The following RAP1A variants were observed in gnomAD, a reference collection of about 807,000 sequenced individuals.
The protein encoded by RAP1A is RAP1A, member of RAS oncogene family, also known as ras-related protein Rap-1A.
In RAP1A, 6 loss-of-function variants were observed where a neutral mutation model predicts 26.4. The observed-to-expected ratio is 0.23, with a 90% confidence interval of 0.12 to 0.45. RAP1A has a LOEUF of 0.45. Ranked by LOEUF, RAP1A falls within the 20% of genes least tolerant of loss-of-function variation. RAP1A has a pLI of 0.99. For missense variants in RAP1A, 121 were observed against 217.2 expected, an observed-to-expected ratio of 0.56 and a Z score of 2.78; for synonymous variants, 73 against 79.4, an observed-to-expected ratio of 0.92 and a Z score of 0.43.
At chr1:111,599,275 G>A (rs910593284) in intron 1 of RAP1A, among the ~76,000 whole-genome samples, 6 of 151,880 alleles carry the variant, frequency 4.0e-5, no homozygotes, top group African/African-American at 7.3e-5. Flanking sequence ...GTGTAATCTC[G>A]GCTCACTGTA....
At chr1:111,608,911 T>G (rs920634306) in intron 1 of RAP1A, among the ~76,000 whole-genome samples, 2 of 152,242 alleles carry the variant, frequency 1.3e-5, no homozygotes, top group Non-Finnish European at 2.9e-5. Context: ...GAATTCATTT[T>G]CATATCAATG....
At chr1:111,561,934 C>T (rs901542172) in intron 1 of RAP1A, among the ~76,000 whole-genome samples, 2 of 152,160 alleles carry the variant, frequency 1.3e-5, no homozygotes, top group East Asian at 1.9e-4. Context: ...CCTCTCCCTA[C>T]TGCATTTACC....
At chr1:111,704,246 G>A (rs1662117122) in intron 5 of RAP1A, 97 bp from the exon 6 acceptor site, 1 of 1,250,042 alleles carries the variant, frequency 8.0e-7, no homozygotes, top group Non-Finnish European at 1.1e-6. Context: ...CCCAACTAAT[G>A]CATTTCAGTT....
At chr1:111,621,004 C>T (rs1659186650) in intron 1 of RAP1A, among the ~76,000 whole-genome samples, 1 of 152,084 alleles carries the variant, frequency 6.6e-6, no homozygotes, top group African/African-American at 2.4e-5. Context: ...GAGGGAAAAT[C>T]ATTTTGTTAC....
chr1:111,612,041 G>T (rs1395359327), intron 1 of RAP1A, among the ~76,000 whole-genome samples: 4 of 147,686 alleles, frequency 2.7e-5, no homozygotes, highest in Non-Finnish European at 3.0e-5. Flanking sequence ...CAGAATAAAT[G>T]ATGTTAATTC....
At chr1:111,553,445 T>G (rs977380001) in intron 1 of RAP1A, among the ~76,000 whole-genome samples, 3 of 152,062 alleles carry the variant, frequency 2.0e-5, no homozygotes, top group Non-Finnish European at 4.4e-5. Context: ...GACTCAGGAG[T>G]CTCATGTCTT....
At chr1:111,615,045 G>A (rs188465987), upstream of RAP1A, among the ~76,000 whole-genome samples, 5 of 152,206 alleles carry the variant, frequency 3.3e-5, no homozygotes, top group African/African-American at 1.2e-4. Flanking sequence ...GGGAATGGAA[G>A]GCATTTGTTG....
At chr1:111,629,695 A>T (rs1048086384) in intron 1 of RAP1A, among the ~76,000 whole-genome samples, 8 of 152,196 alleles carry the variant, frequency 5.3e-5, no homozygotes, top group Non-Finnish European at 8.8e-5. Flanking sequence ...AATGTAACTC[A>T]CAGTGCTCGT....
chr1:111,693,329 T>C (rs1278775838), intron 2 of RAP1A, among the ~76,000 whole-genome samples: 1 of 151,988 alleles, frequency 6.6e-6, no homozygotes, highest in African/African-American at 2.4e-5. Context: ...GGACAGAGAA[T>C]GGGGGCAGAA....
chr1:111,569,045 T>C (rs1657984605), intron 1 of RAP1A, among the ~76,000 whole-genome samples: 1 of 152,140 alleles, frequency 6.6e-6, no homozygotes, highest in South Asian at 2.1e-4. Context: ...ATGTTGACTG[T>C]GTTATCAGTA....
chr1:111,642,193 C>T (rs963844945), intron 1 of RAP1A, among the ~76,000 whole-genome samples: 1 of 151,838 alleles, frequency 6.6e-6, no homozygotes, highest in South Asian at 2.1e-4. Flanking sequence ...TGCAGTGAGC[C>T]GAGATCAAGC....
intron 1 of RAP1A, among the ~76,000 whole-genome samples, chr1:111,688,299 G>GTGTATGTGTA (rs149961847): frequency 0.021 from 3,012 of 140,614 alleles, 70 homozygotes; most frequent in African/African-American, 0.056. Flanking sequence ...GTGTGTGTGT[G>GTGTATGTGTA]TATATATATT....
At chr1:111,569,208 C>G (rs959157380) in intron 1 of RAP1A, among the ~76,000 whole-genome samples, 1 of 151,952 alleles carries the variant, frequency 6.6e-6, no homozygotes, top group Non-Finnish European at 1.5e-5. Flanking sequence ...TGAGACCAGC[C>G]TGAGCAACAT....
chr1:111,544,340 A>G (rs1330297276), intron 1 of RAP1A, among the ~76,000 whole-genome samples: 1 of 152,178 alleles, frequency 6.6e-6, no homozygotes, highest in Non-Finnish European at 1.5e-5. Context: ...ATCCAATTCC[A>G]GAGTATTTCC....
intron 1 of RAP1A, among the ~76,000 whole-genome samples, chr1:111,582,729 T>G (rs773828123): frequency 1.1e-4 from 16 of 152,218 alleles, no homozygotes; most frequent in Non-Finnish European, 2.2e-4. Flanking sequence ...TTTAATAATT[T>G]ATTAAAAAAA....
At chr1:111,551,604 T>C (rs548607252) in intron 1 of RAP1A, among the ~76,000 whole-genome samples, 113 of 152,346 alleles carry the variant, frequency 7.4e-4, no homozygotes, top group African/African-American at 2.6e-3. Context: ...TTTATAATTA[T>C]TGCTTTATGT....
At position 111,547,461 on chromosome 1, in the gene RAP1A, C is replaced by T. The variant is rs572880380; in HGVS notation, c.-28+4952C>T. ...TTGGTAGTGATGTACAAGGAGACTT[C>T]AAATGTTTGTGAAAATGGAGTTAAA... On this transcript the variant is annotated intron_variant, in intron 1 of 7. Transcript: ENST00000356415. 1.4e-3 allele frequency among the ~76,000 whole-genome samples: 208 copies of T among 152,106 alleles called. 2 individuals carry two copies. Among genetic ancestry groups the T allele is most frequent in the African/African-American group, 4.8e-3 (201 of 41,508 alleles).
At chr1:111,545,755 T>C (rs1010958932) in intron 1 of RAP1A, among the ~76,000 whole-genome samples, 1 of 152,174 alleles carries the variant, frequency 6.6e-6, no homozygotes, top group Non-Finnish European at 1.5e-5. Context: ...TTATTTTAGC[T>C]CTTATAGTTA....
chr1:111,707,980 G>C (rs1038530997), intron 6 of RAP1A, among the ~76,000 whole-genome samples: 1 of 152,134 alleles, frequency 6.6e-6, no homozygotes, highest in African/African-American at 2.4e-5. Flanking sequence ...TTTGAGACCA[G>C]CCTGGACAAC....
Sources: gnomAD v4.1 joint callset for allele counts (sites outside exome capture counted in the v4.1 genomes callset) on GRCh38, gnomAD v4.1.1 for gene constraint, MANE v1.5 for transcripts, NCBI Gene and HGNC (gene_info 2026-07-23, HGNC 2026-07-21) for gene names.